The following CRYAB variants were observed in gnomAD, a reference collection of about 807,000 sequenced individuals.
CRYAB encodes alpha-crystallin B chain.
A neutral mutation model predicts 12.7 loss-of-function variants in CRYAB; 9 were observed. That is an observed-to-expected ratio of 0.71 (90% CI 0.43 to 1.24). The LOEUF (loss-of-function observed/expected upper bound fraction) is 1.24, where lower values mean the gene tolerates loss of function less well. Among genes scored for constraint, CRYAB ranks in the 50% most tolerant of loss-of-function variants. The probability of loss-of-function intolerance (pLI) is 0.00; values close to 1 mark genes in which losing one functional copy is unlikely to be tolerated. For synonymous variants in CRYAB, 93 were observed against 86.8 expected (o/e 1.07, Z -0.40); for missense variants, 183 against 226.6 (o/e 0.81, Z 1.24).
At chr11:111,920,195 A>AAAAAT (rs1196031817) in intron 1 of CRYAB, among the ~76,000 whole-genome samples, 20 of 152,146 alleles carry the variant, frequency 1.3e-4, no homozygotes, top group African/African-American at 4.8e-4. Context: ...ACTCCGTCTC[A>AAAAAT]AAAATAAAAT....
At chr11:111,923,503 T>C (rs1424634758) in intron 1 of CRYAB, among the ~76,000 whole-genome samples, 1 of 152,144 alleles carries the variant, frequency 6.6e-6, no homozygotes, top group Non-Finnish European at 1.5e-5. Flanking sequence ...GAGTTGGAAA[T>C]GTACTAGCAA....
At chr11:111,920,907 A>C (rs1555166501) in intron 1 of CRYAB, among the ~76,000 whole-genome samples, 1 of 152,238 alleles carries the variant, frequency 6.6e-6, no homozygotes, top group East Asian at 1.9e-4. Flanking sequence ...TCACATGTAA[A>C]ATGTAGATAA....
At position 111,911,675 on chromosome 11, in the gene CRYAB, A is replaced by G. The variant is rs1592509903; in HGVS notation, c.50T>C (p.Phe17Ser). 1 of 1,606,812 alleles carries G rather than the reference A, an allele frequency of 6.2e-7. No homozygotes were observed. Among genetic ancestry groups the G allele is most frequent in the Non-Finnish European group, 8.5e-7 (1 of 1,176,880 alleles). Residue 17 changes from phenylalanine to serine, a missense_variant, in exon 1 of 3, where the codon TTC (phenylalanine) becomes TCC (serine). Physicochemically the swap from Phe to Ser is radical, Grantham distance 155. This residue lies in a region of CRYAB where 86 missense variants were observed against 96.1 expected (regional missense o/e 0.89). Coordinates refer to ENST00000650687, the MANE Select transcript of CRYAB (RefSeq NM_001289808.2). The stretch of plus-strand genomic sequence containing the variant: ...GTCAAAGAGGCGGCTGGGGGAGTGG[A>G]AAGGAAAGAAGGGGCGGCGGATCCA... ...HPWIRRPFFP[F>S]HSPSRLFDQF... is the part of the protein sequence containing the mutation.
chr11:111,913,228 T>C (rs1965528481), upstream of CRYAB: 1 of 547,776 alleles, frequency 1.8e-6, no homozygotes, highest in Non-Finnish European at 3.3e-6. Flanking sequence ...CTCCTCCTCC[T>C]TCTCCTCCTC....
rs143287391 is a variant in CRYAB, at chr11:111,920,357, A to C, written c.-199+3346T>G. On this transcript the variant is annotated intron_variant, in intron 1 of 3. Transcript: ENST00000527950. ...TCAAGACCAGCCTGGCCAACATGGC[A>C]AAACACCATCTCTACTAAAAATACA... 3.3e-3 allele frequency among the ~76,000 whole-genome samples: 506 copies of C among 151,630 alleles called. 12 individuals carry two copies. The East Asian group carries it at 0.042, about 13-fold the overall frequency.
At chr11:111,912,913 C>A, upstream of CRYAB, 1 of 1,605,216 alleles carries the variant, frequency 6.2e-7, no homozygotes, top group Non-Finnish European at 8.5e-7. Flanking sequence ...GTGAGCAGCG[C>A]TTCGGAGAAG....
chr11:111,919,120 C>A (rs1965645486), intron 1 of CRYAB: 4 of 1,135,858 alleles, frequency 3.5e-6, no homozygotes, highest in Non-Finnish European at 5.2e-6. Context: ...CCACCTTCCT[C>A]TGCCTGGTAC....
In CRYAB at chr11:111,911,769, T is replaced by G; in HGVS notation, c.-45A>C. The G allele has an allele frequency of 7.4e-7, 1 of 1,342,410 alleles. No homozygotes were observed. Among genetic ancestry groups the G allele is most frequent in the Non-Finnish European group, 1.0e-6 (1 of 955,858 alleles). 83.2% of individuals were successfully genotyped at this position (1,342,410 alleles called of 1,614,324 possible). On this transcript the variant is annotated 5_prime_UTR_variant, in exon 1 of 3. Coordinates refer to ENST00000650687, the MANE Select transcript of CRYAB (RefSeq NM_001289808.2). ...GGGGTCAGCTGGCTGGTCAGCTCCTTCAGCTGCAGCTACAGCCAGCCCCTT... is the reference window on the plus strand; with the variant it reads ...GGGGTCAGCTGGCTGGTCAGCTCCTGCAGCTGCAGCTACAGCCAGCCCCTT...
Position 111,908,638 on chromosome 11 carries a change from T to C in CRYAB, c.*126A>G. The stretch of plus-strand genomic sequence containing the variant: ...AAGACAGTTATCTGTTGCTGAATGA[T>C]ATTTTATTAGCTTGATAATTTGGGC... On this transcript the variant is annotated 3_prime_UTR_variant, in exon 3 of 3. Transcript: ENST00000650687. The C allele has an allele frequency of 1.2e-6, 1 of 827,960 alleles. No homozygotes were observed. The highest frequency in any genetic ancestry group is 2.6e-5 in the East Asian group (1 of 39,016). The allele number at this position is 827,960 out of a possible 1,614,324, so 51.3% of individuals were successfully genotyped here.
At chr11:111,910,152 A>C (rs1302509593) in intron 2 of CRYAB, 175 bp downstream of exon 2, 1 of 795,606 alleles carries the variant, frequency 1.3e-6, no homozygotes, top group Admixed American at 2.0e-5. Flanking sequence ...TAATAGTAAC[A>C]ACAGCAATAT....
upstream of CRYAB, chr11:111,913,238 C>T (rs1419251589): frequency 3.2e-6 from 2 of 615,598 alleles, no homozygotes; most frequent in Non-Finnish European, 2.9e-6. Flanking sequence ...TTCTCCTCCT[C>T]CTCCTCCCTT....
At chr11:111,909,522 G>T (rs1858786839) in intron 2 of CRYAB, among the ~76,000 whole-genome samples, 1 of 152,174 alleles carries the variant, frequency 6.6e-6, no homozygotes, top group Non-Finnish European at 1.5e-5. Flanking sequence ...GTTAAATGGT[G>T]AGAAGCAATT....
At chr11:111,910,124 A>T in intron 2 of CRYAB, 1 of 726,828 alleles carries the variant, frequency 1.4e-6, no homozygotes, top group South Asian at 1.5e-5. Context: ...ATCAAATCAA[A>T]GGCCACATCT....
chr11:111,915,663 T>A (rs1965586826), upstream of CRYAB, among the ~76,000 whole-genome samples: 1 of 152,256 alleles, frequency 6.6e-6, no homozygotes, highest in African/African-American at 2.4e-5. Flanking sequence ...ATTCAAATGC[T>A]TTTAAAGTTA....
upstream of CRYAB, among the ~76,000 whole-genome samples, chr11:111,917,238 G>T (rs10891299): frequency 0.42 from 64,438 of 151,936 alleles, 14,294 homozygotes; most frequent in East Asian, 0.58. Flanking sequence ...TGGAGGGCTT[G>T]GAGTGCCAGG....
chr11:111,919,482 AAC>A (rs1407120672), intron 1 of CRYAB, among the ~76,000 whole-genome samples: 2 of 145,514 alleles, frequency 1.4e-5, no homozygotes, highest in Non-Finnish European at 3.1e-5. Context: ...CAACAACAAC[AAC>A]AAAAAAAAAC....
At chr11:111,915,902 C>T (rs1277083828), upstream of CRYAB, among the ~76,000 whole-genome samples, 1 of 152,118 alleles carries the variant, frequency 6.6e-6, no homozygotes. Flanking sequence ...GCCACCACGC[C>T]TGGCTAATTT....
upstream of CRYAB, chr11:111,913,577 T>C (rs376090834): frequency 1.9e-6 from 3 of 1,614,026 alleles, no homozygotes; most frequent in African/African-American, 4.0e-5. Flanking sequence ...TCCAGGCATT[T>C]CTGGATGTGA....
rs149521346 is a variant in CRYAB at position 111,921,935 on chromosome 11, C to T, written c.-199+1768G>A. On this transcript the variant is annotated intron_variant, in intron 1 of 3. Transcript: ENST00000527950. ...GCAACCTTAGCCTCCCAGGTGTAAG[C>T]GATTCTCATGCCTCAGTCTCCCTAG... is the stretch of plus-strand genomic sequence containing the variant. Among the ~76,000 whole-genome samples, 451 of 152,162 alleles carry T rather than the reference C, an allele frequency of 3.0e-3. 8 individuals carry two copies. The highest frequency in any genetic ancestry group is 9.9e-3 in the African/African-American group (409 of 41,500).
Sources: allele counts gnomAD v4.1 joint callset (sites outside exome capture counted in the v4.1 genomes callset), GRCh38; gene constraint gnomAD v4.1.1; regional missense constraint gnomAD v4.1.1; transcripts MANE v1.5; gene names NCBI Gene and HGNC (gene_info 2026-07-23, HGNC 2026-07-21).